IKBKB: variants seen among roughly 807,000 people sequenced by gnomAD.
IKBKB encodes inhibitor of nuclear factor kappa-B kinase subunit beta.
Under a neutral mutation model 113.6 loss-of-function variants are expected in IKBKB, and 42 were observed. The observed-to-expected ratio is 0.37, with a 90% CI of 0.29 to 0.48. The LOEUF is 0.48. IKBKB is among the 20% of genes least tolerant of loss of function. The pLI, the probability that IKBKB is intolerant of heterozygous loss-of-function variation, is 0.99. For missense variants in IKBKB, 673 were observed against 939.7 expected (o/e 0.72, Z 3.71); for synonymous variants, 296 against 361.3 (o/e 0.82, Z 2.05).
intron 2 of IKBKB, among the ~76,000 whole-genome samples, chr8:42,282,650 C>T (rs1014500882): frequency 1.3e-5 from 2 of 152,204 alleles, no homozygotes; most frequent in Admixed American, 1.3e-4. Context: ...AGCCATCCTT[C>T]TTACCTTACA....
intron 2 of IKBKB, among the ~76,000 whole-genome samples, chr8:42,276,952 C>T (rs1464956153): frequency 7.7e-5 from 11 of 142,432 alleles, no homozygotes; most frequent in East Asian, 4.2e-4. Flanking sequence ...CTGCAAGCTC[C>T]GCCTCCCGGG....
intron 8 of IKBKB, among the ~76,000 whole-genome samples, chr8:42,312,312 T>C (rs1298950165): frequency 6.6e-6 from 1 of 152,220 alleles, no homozygotes; most frequent in Non-Finnish European, 1.5e-5. Context: ...GAAAATACAT[T>C]CCTAATGGCC....
chr8:42,279,689 T>C (rs1809941406), intron 2 of IKBKB, among the ~76,000 whole-genome samples: 1 of 152,182 alleles, frequency 6.6e-6, no homozygotes, highest in African/African-American at 2.4e-5. Context: ...GATTGGAACC[T>C]GCGTCTGTTC....
intron 5 of IKBKB, chr8:42,298,417 T>TA (rs1814377994): frequency 1.0e-6 from 1 of 985,436 alleles, no homozygotes; most frequent in East Asian, 1.1e-4. Flanking sequence ...ACTTCAGCGT[T>TA]AAAGAACAGA....
At position 42,309,120 on chromosome 8, in the gene IKBKB, G is replaced by C; in HGVS notation, c.692+95G>C. On this transcript the variant is annotated intron_variant, in intron 8 of 21. Transcript: ENST00000520810. ...TCCCTGGCGCCCCATCACCGGGCCT[G>C]GGAGATCTGTGTTGTTTCTCTTCCG... The C allele has an allele frequency of 3.7e-6, 5 of 1,360,256 alleles. No homozygotes were observed. The South Asian group carries it at 5.3e-5, about 14-fold the overall frequency. The allele number at this position is 1,360,256 out of a possible 1,614,324, so 84.3% of individuals were successfully genotyped here.
At chr8:42,308,297 TTTCTTTC>T (rs1432966537) in intron 7 of IKBKB, among the ~76,000 whole-genome samples, 1 of 147,536 alleles carries the variant, frequency 6.8e-6, no homozygotes. Flanking sequence ...TTTTTCTTTC[TTTCTTTC>T]TTTTTTTTTT....
chr8:42,330,273 T>C, intron 21 of IKBKB: 1 of 984,802 alleles, frequency 1.0e-6, no homozygotes, highest in Non-Finnish European at 1.2e-6. Context: ...ACAGTTTGAA[T>C]ATGTAACTTA....
At position 42,306,800 on chromosome 8, in the gene IKBKB, A is replaced by G. The variant is rs1816629822; in HGVS notation, c.567+368A>G. ...CTAGGACTACAGGCAGGAGCCACTG[A>G]GCCTGGCCGAGGCCACACTTTCCAT... is the stretch of plus-strand genomic sequence containing the variant. On this transcript the variant is annotated intron_variant, in intron 7 of 21. Coordinates refer to ENST00000520810, the MANE Select transcript of IKBKB (RefSeq NM_001556.3). Among the ~76,000 whole-genome samples, 3 of 152,274 alleles carry G rather than the reference A, an allele frequency of 2.0e-5. No individual in the cohort carries two copies. The South Asian group carries it at 6.2e-4, about 32-fold the overall frequency.
rs143970849 is a variant in IKBKB at position 42,293,139 on chromosome 8, A to G, written c.319-304A>G. ...GAGAATTCCTATTTCCTGTGCTTAG[A>G]CTTCAGCCTGCCTTGCTCAGAACTG... On this transcript the variant is annotated intron_variant, in intron 4 of 21. Transcript: ENST00000520810. Among the ~76,000 whole-genome samples the G allele has an allele frequency of 3.7e-3, 569 of 152,162 alleles. 3 individuals carry two copies. The highest frequency in any genetic ancestry group is 5.9e-3 in the Admixed American group (90 of 15,298).
chr8:42,304,678 G>A (rs183218534), intron 5 of IKBKB, among the ~76,000 whole-genome samples: 6 of 152,322 alleles, frequency 3.9e-5, no homozygotes, highest in Admixed American at 3.9e-4. Flanking sequence ...TCTTGGGACT[G>A]TCGATCATAT....
intron 19 of IKBKB, among the ~76,000 whole-genome samples, chr8:42,323,378 T>C (rs779582381): frequency 3.3e-5 from 5 of 152,208 alleles, no homozygotes; most frequent in African/African-American, 4.8e-5. Flanking sequence ...CGTCTTAACG[T>C]AGCTGTGAGT....
intron 7 of IKBKB, among the ~76,000 whole-genome samples, chr8:42,308,304 C>CTT (rs71548577): frequency 7.8e-5 from 9 of 115,666 alleles, no homozygotes; most frequent in African/African-American, 1.3e-4. Context: ...TTCTTTCTTT[C>CTT]TTTTTTTTTT....
chr8:42,282,660 A>G (rs1046443220), intron 2 of IKBKB, among the ~76,000 whole-genome samples: 2 of 152,348 alleles, frequency 1.3e-5, no homozygotes, highest in South Asian at 4.1e-4. Flanking sequence ...CTTACCTTAC[A>G]TGTGTTTGAG....
Position 42,316,848 on chromosome 8 carries a change from G to C in IKBKB, c.1069G>C (p.Ala357Pro). 1 of 1,614,164 alleles carries C rather than the reference G, an allele frequency of 6.2e-7. No individual in the cohort carries two copies. The highest frequency in any genetic ancestry group is 2.2e-5 in the East Asian group (1 of 44,886). ...GGAGGACCAGGAGCTGCTGCAGGAA[G>C]CGGGCCTGGCGTTGATCCCCGATAA... ...PEEDQELLQE[A>P]GLALIPDKPA... Residue 357 changes from alanine to proline, a missense_variant, in exon 11 of 22, where the codon GCG becomes CCG. By Grantham distance (27) the Ala-to-Pro change is conservative (BLOSUM62 -1). This residue lies in a region of IKBKB where 506 missense variants were observed against 638.7 expected (regional missense o/e 0.79). Transcript: ENST00000520810. This position sits in a 1 kb window ranked among gnomAD's most constrained non-coding sequence, Gnocchi z 4.5.
intron 5 of IKBKB, among the ~76,000 whole-genome samples, chr8:42,302,063 A>G (rs973278439): frequency 3.3e-5 from 5 of 152,202 alleles, no homozygotes; most frequent in Non-Finnish European, 7.4e-5. Context: ...TTGTGAACCT[A>G]TCAGTTAACA....
intron 2 of IKBKB, among the ~76,000 whole-genome samples, chr8:42,287,231 A>T (rs1408492518): frequency 1.3e-5 from 2 of 152,258 alleles, no homozygotes; most frequent in Admixed American, 1.3e-4. Flanking sequence ...GGAGGCCGCC[A>T]GGAGCCAGTG....
rs1818665697 is a variant in IKBKB, at chr8:42,316,265, C to T, written c.856C>T (p.Arg286Ter). Residue 286 changes from arginine (R) to a stop codon, truncating the protein, a stop_gained, in exon 10 of 22, where the codon CGA (arginine) becomes TGA (stop). Transcript: ENST00000520810. LOFTEE classifies it high-confidence loss of function. The surrounding 1 kb of genome is among the most constrained non-coding windows in gnomAD (Gnocchi z 4.5). ...WLQLMLMWHP[R>*]QRGTDPTYGP... ...GCAACTGATGCTGATGTGGCACCCC[C>T]GACAGAGGGGCACGGATCCCACGTA... 3.7e-6 allele frequency: 6 copies of T among 1,614,136 alleles called. No homozygotes were observed. The highest frequency in any genetic ancestry group is 1.7e-4 in the Middle Eastern group (1 of 6,060).
chr8:42,306,290 A>G, intron 6 of IKBKB, 53 bp from the exon 7 acceptor site: 1 of 1,133,382 alleles, frequency 8.8e-7, no homozygotes, highest in Non-Finnish European at 1.3e-6. Context: ...GAATCCTCGT[A>G]GAAGGACATT....
intron 2 of IKBKB, among the ~76,000 whole-genome samples, chr8:42,284,469 C>T (rs536571279): frequency 1.3e-5 from 2 of 151,992 alleles, no homozygotes; most frequent in Non-Finnish European, 2.9e-5. Context: ...GTAGTCCCAG[C>T]TACTAGGGAG....
Sources: gnomAD v4.1 joint callset for allele counts (sites outside exome capture counted in the v4.1 genomes callset) on GRCh38, gnomAD v4.1.1 for gene constraint, gnomAD v4.1.1 regional missense constraint, Gnocchi (gnomAD v3.1) non-coding constraint, MANE v1.5 for transcripts, NCBI Gene and HGNC (gene_info 2026-07-23, HGNC 2026-07-21) for gene names.